GPHN: variants seen among roughly 807,000 people sequenced by gnomAD.
GPHN encodes the protein gephyrin.
Under a neutral mutation model 95.5 loss-of-function variants are expected in GPHN, and 17 were observed. The ratio of observed to expected loss-of-function variants is 0.18; its 90% CI spans 0.12 to 0.27. GPHN has a LOEUF of 0.27. Among genes scored for constraint, GPHN ranks in the 10% least tolerant of loss-of-function variants. The probability of loss-of-function intolerance (pLI) is 1.00; values close to 1 mark genes in which losing one functional copy is unlikely to be tolerated. For synonymous variants in GPHN, 320 were observed against 322.5 expected, an observed-to-expected ratio of 0.99 and a Z score of 0.08; for missense variants, 660 against 978.1, an observed-to-expected ratio of 0.67 and a Z score of 4.34.
At chr14:67,341,727 T>C in the GPHN span, among the ~76,000 whole-genome samples, 1 of 152,044 alleles carries the variant, frequency 6.6e-6, no homozygotes, top group African/African-American at 2.4e-5. Flanking sequence ...ACAATGGCGG[T>C]TTTGTGGAAT....
chr14:67,541,681 C>A, the GPHN span, among the ~76,000 whole-genome samples: 1,657 of 151,484 alleles, frequency 0.011, 39 homozygotes, highest in African/African-American at 0.039. Flanking sequence ...AGGGAGGGGC[C>A]CTGGGGATCA....
chr14:66,693,761 C>T (rs2067940288), intron 2 of GPHN, among the ~76,000 whole-genome samples: 1 of 152,112 alleles, frequency 6.6e-6, no homozygotes, highest in African/African-American at 2.4e-5. Flanking sequence ...CTGTATAATC[C>T]TTCAACCAGT....
At chr14:67,382,775 A>C in the GPHN span, 1 of 609,210 alleles carries the variant, frequency 1.6e-6, no homozygotes, top group Non-Finnish European at 2.8e-6. Context: ...AACAATATAA[A>C]TGAGAAGTTT....
intron 9 of GPHN, among the ~76,000 whole-genome samples, chr14:66,997,297 G>T (rs1346388523): frequency 6.6e-6 from 1 of 151,134 alleles, no homozygotes; most frequent in Non-Finnish European, 1.5e-5. Context: ...AACCCGGGAG[G>T]CAGAGGTTGC....
chr14:66,946,639 A>G (rs2067774416), intron 8 of GPHN, among the ~76,000 whole-genome samples: 1 of 152,210 alleles, frequency 6.6e-6, no homozygotes, highest in Admixed American at 6.5e-5. Flanking sequence ...TCCTGACCTC[A>G]TGATCTGACC....
At chr14:67,053,712 C>G (rs375569073) in intron 10 of GPHN, among the ~76,000 whole-genome samples, 1 of 152,286 alleles carries the variant, frequency 6.6e-6, no homozygotes, top group East Asian at 1.9e-4. Context: ...CAAAAATTCT[C>G]AATAAAATAC....
chr14:67,201,737 G>A, the GPHN span: 6 of 337,320 alleles, frequency 1.8e-5, no homozygotes, highest in Non-Finnish European at 3.5e-5. Context: ...AAGAAGAGGG[G>A]CACAGTTTGG....
chr14:67,546,688 G>A, the GPHN span, among the ~76,000 whole-genome samples: 1 of 152,102 alleles, frequency 6.6e-6, no homozygotes, highest in Non-Finnish European at 1.5e-5. Flanking sequence ...CCGTGCCCAG[G>A]CAGCAGACAC....
At chr14:67,240,965 A>G in the GPHN span, 1 of 152,364 alleles carries the variant, frequency 6.6e-6, no homozygotes, top group African/African-American at 2.4e-5. Flanking sequence ...TCTCTTCAAG[A>G]GGAATCAGAT....
At chr14:67,375,860 G>A in the GPHN span, among the ~76,000 whole-genome samples, 1 of 152,014 alleles carries the variant, frequency 6.6e-6, no homozygotes, top group Non-Finnish European at 1.5e-5. Flanking sequence ...TGTCTCCTTA[G>A]GATATTGTTA....
At chr14:67,300,784 T>G in the GPHN span, among the ~76,000 whole-genome samples, 1 of 152,208 alleles carries the variant, frequency 6.6e-6, no homozygotes, top group Non-Finnish European at 1.5e-5. Context: ...TAATCCATTA[T>G]ATTATGGTGA....
At chr14:66,831,003 T>C (rs377365093) in intron 4 of GPHN, among the ~76,000 whole-genome samples, 1 of 152,076 alleles carries the variant, frequency 6.6e-6, no homozygotes, top group Admixed American at 6.6e-5. Context: ...TTTCTTATAT[T>C]GTAATGCTTC....
intron 1 of GPHN, among the ~76,000 whole-genome samples, chr14:66,585,440 GTGTT>G (rs1191838968): frequency 6.6e-6 from 1 of 152,116 alleles, no homozygotes; most frequent in Non-Finnish European, 1.5e-5. Flanking sequence ...GCGTTTGAAT[GTGTT>G]TGCTCTTGCT....
chr14:66,953,321 T>G (rs1290447891), intron 8 of GPHN, among the ~76,000 whole-genome samples: 11 of 151,936 alleles, frequency 7.2e-5, no homozygotes, highest in Admixed American at 7.2e-4. Flanking sequence ...CAAAAGTTTT[T>G]AAGTTTAATG....
intron 3 of GPHN, among the ~76,000 whole-genome samples, chr14:66,802,372 C>T (rs1441318275): frequency 1.3e-5 from 2 of 152,070 alleles, no homozygotes; most frequent in Non-Finnish European, 2.9e-5. Flanking sequence ...AGTGGTATAC[C>T]CTCTGGCCCA....
intron 12 of GPHN, among the ~76,000 whole-genome samples, chr14:67,099,980 A>T (rs930153907): frequency 1.3e-5 from 2 of 152,144 alleles, no homozygotes; most frequent in African/African-American, 4.8e-5. Flanking sequence ...AAGCCACATC[A>T]TATGTCAAGA....
At chr14:66,841,619 A>G (rs748120548) in intron 4 of GPHN, among the ~76,000 whole-genome samples, 56 of 152,208 alleles carry the variant, frequency 3.7e-4, no homozygotes, top group Admixed American at 3.0e-3. Flanking sequence ...TGTAGTTTCC[A>G]TTTACTGAAA....
At chr14:66,670,462 C>A (rs2153383919) in intron 1 of GPHN, among the ~76,000 whole-genome samples, 1 of 152,232 alleles carries the variant, frequency 6.6e-6, no homozygotes, top group Non-Finnish European at 1.5e-5. Flanking sequence ...CTCTATAATG[C>A]CTCGTAATTT....
the GPHN span, among the ~76,000 whole-genome samples, chr14:67,402,544 T>G: frequency 6.6e-6 from 1 of 152,222 alleles, no homozygotes; most frequent in Non-Finnish European, 1.5e-5. Flanking sequence ...AATTTTTTTG[T>G]ACCCATTAAC....
Sources: gnomAD v4.1 joint callset for allele counts (sites outside exome capture counted in the v4.1 genomes callset) on GRCh38, gnomAD v4.1.1 for gene constraint, MANE v1.5 for transcripts, NCBI Gene and HGNC (gene_info 2026-07-23, HGNC 2026-07-21) for gene names.